Variants in ADAMTS10 observed in about 807,000 individuals in gnomAD.
ADAMTS10 encodes the protein A disintegrin and metalloproteinase with thrombospondin motifs 10.
Under a neutral mutation model 135.9 loss-of-function variants are expected in ADAMTS10, and 48 were observed. The ratio of observed to expected loss-of-function variants is 0.35; its 90% CI spans 0.28 to 0.45. The LOEUF (loss-of-function observed/expected upper bound fraction) is 0.45. Among genes scored for constraint, ADAMTS10 ranks in the 20% least tolerant of loss-of-function variants. The pLI is 1.00. For missense variants in ADAMTS10, 1,131 were observed against 1,565.2 expected, an observed-to-expected ratio of 0.72 and a Z score of 4.68; for synonymous variants, 621 against 647.5, an observed-to-expected ratio of 0.96 and a Z score of 0.62.
At chr19:8,595,698 T>TGCCAACCC in intron 12 of ADAMTS10, 64 bp downstream of exon 12, 6 of 1,291,942 alleles carry the variant, frequency 4.6e-6, no homozygotes, top group Non-Finnish European at 6.5e-6. Context: ...CTGGTGGAGT[T>TGCCAACCC]CCCTCCCCCA....
At chr19:8,603,034 C>G (rs1310282587) in intron 5 of ADAMTS10, among the ~76,000 whole-genome samples, 1 of 152,180 alleles carries the variant, frequency 6.6e-6, no homozygotes, top group African/African-American at 2.4e-5. Flanking sequence ...ATCCTCCTAC[C>G]AGTCTGATCG....
chr19:8,592,558 A>G (rs913886332), intron 13 of ADAMTS10, among the ~76,000 whole-genome samples: 16 of 148,118 alleles, frequency 1.1e-4, no homozygotes, highest in African/African-American at 3.0e-4. Context: ...CGTGGCCAGA[A>G]CCAAGGGACG....
chr19:8,592,301 T>A, intron 13 of ADAMTS10, 198 bp from the exon 14 acceptor site: 1 of 1,099,114 alleles, frequency 9.1e-7, no homozygotes, highest in Non-Finnish European at 1.3e-6. Context: ...GCGAGAGGCG[T>A]GGCCTGAGCA....
chr19:8,592,634 C>A lies in ADAMTS10; in HGVS notation c.1587+129G>T, dbSNP rs2042553794. The A allele has an allele frequency of 3.1e-6, 3 of 964,870 alleles. No homozygotes were observed. In the East Asian group the frequency reaches 7.9e-5, roughly 25 times the overall value. 59.8% of individuals were successfully genotyped at this position (964,870 alleles called of 1,614,324 possible). ...GTAGGCGTGGCCACAGCCGAGGGAG[C>A]ACAAATGGCGGGCGTGGCCAATGTG... is the stretch of plus-strand genomic sequence containing the variant. On this transcript the variant is annotated intron_variant, in intron 13 of 25. Coordinates refer to ENST00000597188, the MANE Select transcript of ADAMTS10 (RefSeq NM_030957.4).
Position 8,592,076 on chromosome 19 carries a change from AG to A in ADAMTS10, c.1614del (p.Phe539LeufsTer98), listed in dbSNP as rs2042539289. ...KGWCYKRVCVPFGSRPEGVDG... is the reference protein window; with the variant it reads ...KGWCYKRVCVXFGSRPEGVDG... ...TCCACACCCTCTGGGCGCGACCCAAAGGGGACACAGACCCGTTTGTAGCACC... is the reference window on the plus strand; with the variant it reads ...TCCACACCCTCTGGGCGCGACCCAAAGGGACACAGACCCGTTTGTAGCACC... On this transcript the variant is annotated frameshift_variant, in exon 14 of 26. Coordinates refer to ENST00000597188, the MANE Select transcript of ADAMTS10 (RefSeq NM_030957.4). LOFTEE classifies it high-confidence loss of function. 1 of 1,613,592 alleles carries A rather than the reference AG, an allele frequency of 6.2e-7. No homozygotes were observed. Among genetic ancestry groups the A allele is most frequent in the Admixed American group, 1.7e-5 (1 of 59,998 alleles).
chr19:8,589,482 C>G lies in ADAMTS10; in HGVS notation c.2004G>C (p.Thr668=). 1 of 1,613,808 alleles carries G rather than the reference C, an allele frequency of 6.2e-7. No individual in the cohort carries two copies. Among genetic ancestry groups the G allele is most frequent in the Non-Finnish European group, 8.5e-7 (1 of 1,179,966 alleles). ...ATTCGCCACTGACGCAAATGTCCAC[C>G]GTGTCTGGACGGCAGGGTGTCCCGT... ...VVDGTPCRPD[T]VDICVSGECK... Residue 668 remains threonine (T), a synonymous_variant, in exon 17 of 26, where the codon ACG becomes ACC. Coordinates refer to ENST00000597188, the MANE Select transcript of ADAMTS10 (RefSeq NM_030957.4).
At chr19:8,594,126 C>T (rs2042576655) in intron 12 of ADAMTS10, among the ~76,000 whole-genome samples, 1 of 152,182 alleles carries the variant, frequency 6.6e-6, no homozygotes, top group Non-Finnish European at 1.5e-5. Flanking sequence ...GACACCTCTT[C>T]AAGATAATGA....
chr19:8,595,643 C>T lies in ADAMTS10; in HGVS notation c.1479+119G>A. On this transcript the variant is annotated intron_variant, in intron 12 of 25. Transcript: ENST00000597188. ...AGGTCACCATGGGGGCTCACCTCAC[C>T]CCCCTTCCCGGTTCTCCCACCCCCT... is the stretch of plus-strand genomic sequence containing the variant. The T allele has an allele frequency of 8.6e-6, 13 of 1,510,432 alleles. No individual in the cohort carries two copies. In the South Asian group the frequency reaches 1.5e-4, roughly 17 times the overall value. 93.6% of individuals were successfully genotyped at this position (1,510,432 alleles called of 1,614,324 possible).
chr19:8,587,948 A>G (rs1302844135), intron 18 of ADAMTS10, among the ~76,000 whole-genome samples: 3 of 151,044 alleles, frequency 2.0e-5, no homozygotes, highest in Non-Finnish European at 4.4e-5. Context: ...AAAAAAAAAA[A>G]AAGAATTTTG....
At chr19:8,592,953 T>C (rs1600106944) in intron 12 of ADAMTS10, 83 bp from the exon 13 acceptor site, 3 of 1,277,188 alleles carry the variant, frequency 2.3e-6, no homozygotes, top group East Asian at 2.5e-5. Context: ...GACCCAGATG[T>C]CCGGCTCACT....
chr19:8,602,286 A>AT (rs2042676657), intron 5 of ADAMTS10, among the ~76,000 whole-genome samples: 1 of 152,112 alleles, frequency 6.6e-6, no homozygotes, highest in South Asian at 2.1e-4. Context: ...ACTTAATTCA[A>AT]TATCACACTG....
In ADAMTS10 at chr19:8,591,923, C is replaced by T. The variant is rs550866465; in HGVS notation, c.1733+35G>A. On this transcript the variant is annotated intron_variant, in intron 14 of 25. Transcript: ENST00000597188. ...CAGTGGGCGATGGGGGCAGGGGTCG[C>T]GCTGCCCTCCCGGGTGGGGGTCCTG... 1.9e-5 allele frequency: 30 copies of T among 1,611,106 alleles called. No homozygotes were observed. In the East Asian group the frequency reaches 5.1e-4, roughly 28 times the overall value.
In ADAMTS10 at chr19:8,590,447, C is replaced by T. The variant is rs531991260; in HGVS notation, c.1798-456G>A. Among the ~76,000 whole-genome samples, 12 of 149,722 alleles carry T rather than the reference C, an allele frequency of 8.0e-5. No homozygotes were observed. The South Asian group carries it at 1.5e-3, about 19-fold the overall frequency. On this transcript the variant is annotated intron_variant, in intron 15 of 25. Coordinates refer to ENST00000597188, the MANE Select transcript of ADAMTS10 (RefSeq NM_030957.4). ...TGCCACTATGCCTGGCTAATTTTTG[C>T]ATTATTTATTTATTTATTTATTTAT... is the stretch of plus-strand genomic sequence containing the variant.
chr19:8,583,691 T>C (rs1341830203), intron 25 of ADAMTS10, among the ~76,000 whole-genome samples: 1 of 150,238 alleles, frequency 6.7e-6, no homozygotes, highest in Non-Finnish European at 1.5e-5. Flanking sequence ...TATCAAAGAA[T>C]ACAAGAATAC....
rs372863740 is a variant in ADAMTS10, at chr19:8,586,552, T to C, written c.2403+6A>G. The C allele has an allele frequency of 3.1e-6, 5 of 1,613,454 alleles. No homozygotes were observed. Among genetic ancestry groups the C allele is most frequent in the Non-Finnish European group, 4.2e-6 (5 of 1,180,018 alleles). On this transcript the variant is annotated splice_donor_region_variant and intron_variant, in intron 20 of 25. Coordinates refer to ENST00000597188, the MANE Select transcript of ADAMTS10 (RefSeq NM_030957.4). ...GGCTGCACCTTGCCCCCAGTCTCCC[T>C]GTTACCATGACGATGAGAGATGCAT...
At chr19:8,585,086 G>T in intron 24 of ADAMTS10, 32 bp from the exon 25 acceptor site, 1 of 1,500,562 alleles carries the variant, frequency 6.7e-7, no homozygotes, top group Admixed American at 2.1e-5. Flanking sequence ...TTGCTGCCCC[G>T]CAGCCCCTGC....
intron 12 of ADAMTS10, 64 bp downstream of exon 12, chr19:8,595,698 T>TGCCGACCCCC: frequency 1.5e-6 from 2 of 1,291,946 alleles, no homozygotes; most frequent in African/African-American, 1.5e-5. Context: ...CTGGTGGAGT[T>TGCCGACCCCC]CCCTCCCCCA....
At chr19:8,595,718 G>GCC in intron 12 of ADAMTS10, 44 bp downstream of exon 12, 3 of 1,403,562 alleles carry the variant, frequency 2.1e-6, no homozygotes, top group African/African-American at 1.4e-5. Flanking sequence ...AGCCCCAGCG[G>GCC]CCCCCTCCCC....
chr19:8,605,400 AT>A lies in ADAMTS10; in HGVS notation c.89-43del. ...GAGGCCTGGGGTGGGCCCTGGTCTT[AT>A]TGGACCCCTGTGTCCTGGCTGTTAG... On this transcript the variant is annotated intron_variant, in intron 3 of 25. Coordinates refer to ENST00000597188, the MANE Select transcript of ADAMTS10 (RefSeq NM_030957.4). The surrounding 1 kb of genome is among the most constrained non-coding windows in gnomAD (Gnocchi z 7.7). 6.5e-7 allele frequency: 1 copy of A among 1,544,062 alleles called. No homozygotes were observed. Among genetic ancestry groups the A allele is most frequent in the Non-Finnish European group, 8.8e-7 (1 of 1,138,352 alleles).
Sources: gnomAD v4.1 joint callset for allele counts (sites outside exome capture counted in the v4.1 genomes callset) on GRCh38, gnomAD v4.1.1 for gene constraint, Gnocchi (gnomAD v3.1) non-coding constraint, MANE v1.5 for transcripts, NCBI Gene and HGNC (gene_info 2026-07-23, HGNC 2026-07-21) for gene names.